Variants in TJP2 observed in about 807,000 individuals in gnomAD.
TJP2 encodes the protein Friedreich ataxia region gene X104 (tight junction protein ZO-2).
TJP2 carries 91 observed loss-of-function variants against 133.1 expected under a neutral mutation model. That is an observed-to-expected ratio of 0.68 (90% CI 0.58 to 0.81). TJP2 has a LOEUF of 0.81. TJP2 is among the 40% of genes least tolerant of loss of function. TJP2 has a pLI of 0.00. For missense variants in TJP2, 1,541 were observed against 1,565.6 expected, an observed-to-expected ratio of 0.98 and a Z score of 0.26; for synonymous variants, 592 against 583.4, an observed-to-expected ratio of 1.01 and a Z score of -0.21.
intron 1 of TJP2, among the ~76,000 whole-genome samples, chr9:69,182,748 T>C (rs1825600383): frequency 1.3e-5 from 2 of 151,602 alleles, no homozygotes; most frequent in East Asian, 1.9e-4. Context: ...TATATACATA[T>C]ACACACACAC....
intron 4 of TJP2, among the ~76,000 whole-genome samples, chr9:69,218,711 G>T (rs1011099879): frequency 2.0e-5 from 3 of 152,308 alleles, no homozygotes; most frequent in African/African-American, 7.2e-5. Context: ...GCCCAAGCAA[G>T]GTATATTATA....
At chr9:69,187,484 T>C (rs1240888736) in intron 1 of TJP2, among the ~76,000 whole-genome samples, 2 of 152,244 alleles carry the variant, frequency 1.3e-5, no homozygotes, top group Non-Finnish European at 2.9e-5. Flanking sequence ...ACTATGTTAG[T>C]GTAGTCTGCT....
intron 11 of TJP2, 65 bp from the exon 12 acceptor site, chr9:69,234,374 C>A: frequency 9.0e-7 from 1 of 1,109,962 alleles, no homozygotes; most frequent in Non-Finnish European, 1.3e-6. Flanking sequence ...TCTGTTTTTT[C>A]TTTCTTTCTT....
chr9:69,193,833 C>G (rs1826370880), intron 1 of TJP2, among the ~76,000 whole-genome samples: 1 of 151,834 alleles, frequency 6.6e-6, no homozygotes, highest in African/African-American at 2.4e-5. Context: ...TTTGCTGCCC[C>G]CTGCCTGGAT....
At chr9:69,248,970 C>CAA (rs56986564) in intron 19 of TJP2, 248 of 909,840 alleles carry the variant, frequency 2.7e-4, no homozygotes, top group African/African-American at 9.5e-4. Context: ...ATAGAACTAC[C>CAA]AAAAAAAAAA....
chr9:69,145,107 T>A (rs1053358540), intron 1 of TJP2, among the ~76,000 whole-genome samples: 1 of 152,232 alleles, frequency 6.6e-6, no homozygotes, highest in Non-Finnish European at 1.5e-5. Flanking sequence ...ATAATAATTT[T>A]AAAAACCCAC....
chr9:69,140,559 A>G (rs564994957), intron 1 of TJP2, among the ~76,000 whole-genome samples: 1 of 152,308 alleles, frequency 6.6e-6, no homozygotes, highest in Non-Finnish European at 1.5e-5. Flanking sequence ...CGGTATAGTC[A>G]CTACCAAGTT....
intron 11 of TJP2, 75 bp downstream of exon 11, chr9:69,230,307 G>C: frequency 6.3e-7 from 1 of 1,592,424 alleles, no homozygotes; most frequent in Non-Finnish European, 8.6e-7. Flanking sequence ...TTCTGTAAGG[G>C]AAGACAAAAT....
At chr9:69,234,342 G>T (rs1255958360) in intron 11 of TJP2, 97 bp from the exon 12 acceptor site, 2 of 1,015,406 alleles carry the variant, frequency 2.0e-6, no homozygotes, top group African/African-American at 3.3e-5. Context: ...AAAAGGGTCA[G>T]TGGCATCTTA....
intron 5 of TJP2, among the ~76,000 whole-genome samples, chr9:69,223,069 G>GAAAAAAAAAAAAAAA (rs57114714): frequency 8.8e-6 from 1 of 114,084 alleles, no homozygotes; most frequent in African/African-American, 3.1e-5. Context: ...ACTCTGTCTT[G>GAAAAAAAAAAAAAAA]AAAAAAAAAA....
intron 16 of TJP2, 87 bp from the exon 17 acceptor site, chr9:69,239,850 A>T: frequency 1.9e-6 from 2 of 1,061,802 alleles, no homozygotes; most frequent in Non-Finnish European, 2.9e-6. Flanking sequence ...GATATATCTC[A>T]TACAGCCTTT....
At position 69,254,234 on chromosome 9, in the gene TJP2, G is replaced by C. The variant is rs375244684; in HGVS notation, c.3433G>C (p.Ala1145Pro). 8.7e-6 allele frequency: 14 copies of C among 1,614,108 alleles called. No individual in the cohort carries two copies. The highest frequency in any genetic ancestry group is 6.7e-5 in the East Asian group (3 of 44,894). Reference protein sequence around the residue: ...TSSRPPEPQKAPSRPYQDTRG... With the variant: ...TSSRPPEPQKPPSRPYQDTRG... ...TTCCAGACCCCCTGAGCCACAGAAA[G>C]CTCCTTCCAGACCTTATCAGGATAC... The change falls in exon 23 of 23, where the codon GCT (alanine) becomes CCT (proline). Residue 1145 changes from alanine (A) to proline (P), a missense_variant. By Grantham distance (27) the Ala-to-Pro change is conservative. Coordinates refer to ENST00000377245, the MANE Select transcript of TJP2 (RefSeq NM_004817.4).
chr9:69,220,817 C>A, intron 4 of TJP2, 70 bp from the exon 5 acceptor site: 1 of 1,508,026 alleles, frequency 6.6e-7, no homozygotes, highest in Non-Finnish European at 9.2e-7. Flanking sequence ...AACCAGGGCT[C>A]TTAACCACTG....
chr9:69,229,284 T>C (rs1829587349), intron 10 of TJP2, 34 bp downstream of exon 10: 1 of 1,592,822 alleles, frequency 6.3e-7, no homozygotes, highest in Non-Finnish European at 8.6e-7. Context: ...TTTTCCCTTC[T>C]TCCTTACAGC....
intron 1 of TJP2, among the ~76,000 whole-genome samples, chr9:69,144,577 TA>T (rs1823137024): frequency 6.6e-6 from 1 of 152,218 alleles, no homozygotes. Context: ...CAAACTCAAC[TA>T]AAATTAAATT....
upstream of TJP2, among the ~76,000 whole-genome samples, chr9:69,171,876 AC>A (rs2132915823): frequency 7.5e-6 from 1 of 133,784 alleles, no homozygotes; most frequent in South Asian, 2.4e-4. Context: ...TCTCACTGTA[AC>A]CTCCGCCTCT....
At chr9:69,228,439 G>T (rs1235152091) in intron 9 of TJP2, among the ~76,000 whole-genome samples, 2 of 152,298 alleles carry the variant, frequency 1.3e-5, no homozygotes, top group East Asian at 3.9e-4. Flanking sequence ...AGGATCAGTT[G>T]TACCCCAAAC....
chr9:69,154,178 A>G (rs1823623184), intron 2 of TJP2, among the ~76,000 whole-genome samples: 1 of 152,202 alleles, frequency 6.6e-6, no homozygotes. Flanking sequence ...AATTCTACAG[A>G]GCTTGAAGAC....
At chr9:69,172,833 A>T (rs752522928), upstream of TJP2, among the ~76,000 whole-genome samples, 7 of 152,070 alleles carry the variant, frequency 4.6e-5, no homozygotes, top group African/African-American at 1.2e-4. Flanking sequence ...TTGCCTTCCC[A>T]AAGTGCTGGG....
Sources: allele counts gnomAD v4.1 joint callset (sites outside exome capture counted in the v4.1 genomes callset), GRCh38; gene constraint gnomAD v4.1.1; transcripts MANE v1.5; gene names NCBI Gene and HGNC (gene_info 2026-07-23, HGNC 2026-07-21).